The following PIGL variants were observed in gnomAD, a reference collection of about 807,000 sequenced individuals.
PIGL encodes N-acetylglucosaminyl-phosphatidylinositol de-N-acetylase.
PIGL carries 22 observed loss-of-function variants against 31.1 expected under a neutral mutation model. That is an observed-to-expected ratio of 0.71 (90% CI 0.51 to 1.01). The LOEUF (loss-of-function observed/expected upper bound fraction) is 1.01. Ranked by LOEUF, PIGL falls within the 50% of genes least tolerant of loss-of-function variation. The probability of loss-of-function intolerance (pLI) is 0.00; values close to 1 mark genes in which losing one functional copy is unlikely to be tolerated. For missense variants in PIGL, 302 were observed against 315.9 expected (o/e 0.96, Z 0.33); for synonymous variants, 131 against 117.4 (o/e 1.12, Z -0.75).
At position 16,217,280 on chromosome 17, in the gene PIGL, C is replaced by T; in HGVS notation, c.54C>T (p.Phe18=). ...CGTTGGCGGTCTTGGCATGGGGCTT[C>T]CTCTGGGTTTGGGACTCCTCAGAAC... ...CVALAVLAWG[F]LWVWDSSERM... The change falls in exon 1 of 7, where the codon TTC becomes TTT. Residue 18 remains phenylalanine, a synonymous_variant. Coordinates refer to ENST00000225609, the MANE Select transcript of PIGL (RefSeq NM_004278.4). The T allele has an allele frequency of 1.2e-6, 2 of 1,614,158 alleles. No homozygotes were observed. The highest frequency in any genetic ancestry group is 1.7e-6 in the Non-Finnish European group (2 of 1,180,026).
intron 2 of PIGL, among the ~76,000 whole-genome samples, chr17:16,275,270 A>G (rs1423710117): frequency 6.6e-6 from 1 of 152,188 alleles, no homozygotes; most frequent in East Asian, 1.9e-4. Context: ...GTAAACTGTC[A>G]GTGGCACTGG....
chr17:16,241,192 G>C (rs1034375129), intron 2 of PIGL, among the ~76,000 whole-genome samples: 3 of 149,874 alleles, frequency 2.0e-5, no homozygotes, highest in African/African-American at 7.4e-5. Context: ...AACCCACCTA[G>C]ATATCTAGGT....
chr17:16,284,365 G>A (rs115960929), intron 2 of PIGL, among the ~76,000 whole-genome samples: 2,457 of 152,200 alleles, frequency 0.016, 59 homozygotes, highest in African/African-American at 0.056. Flanking sequence ...GTGAGCCACC[G>A]CACCCAGCCA....
At chr17:16,307,015 T>C (rs2093029231) in intron 3 of PIGL, among the ~76,000 whole-genome samples, 1 of 152,144 alleles carries the variant, frequency 6.6e-6, no homozygotes, top group Non-Finnish European at 1.5e-5. Flanking sequence ...GTAAGAGCTT[T>C]AAAAGGAAAG....
At chr17:16,270,724 C>T (rs1261245027) in intron 2 of PIGL, among the ~76,000 whole-genome samples, 1 of 151,764 alleles carries the variant, frequency 6.6e-6, no homozygotes, top group Non-Finnish European at 1.5e-5. Flanking sequence ...TGGTGAAACC[C>T]CATCTCTACT....
chr17:16,321,336 G>A lies in PIGL; in HGVS notation c.660+3428G>A, dbSNP rs2093105077. ...GATCACTGCACCCTCCACCTCCTGG[G>A]TTCAAGTGATTTTTCTGCATCACAC... is the stretch of plus-strand genomic sequence containing the variant. On this transcript the variant is annotated intron_variant, in intron 6 of 6. Coordinates refer to ENST00000225609, the MANE Select transcript of PIGL (RefSeq NM_004278.4). 2.6e-5 allele frequency among the ~76,000 whole-genome samples: 4 copies of A among 151,324 alleles called. No individual in the cohort carries two copies. The South Asian group carries it at 8.4e-4, about 32-fold the overall frequency.
At chr17:16,308,820 G>T (rs1238458752) in intron 3 of PIGL, among the ~76,000 whole-genome samples, 8 of 141,316 alleles carry the variant, frequency 5.7e-5, no homozygotes, top group African/African-American at 1.9e-4. Flanking sequence ...TCGAGACAAG[G>T]TCTCCCTCTG....
At chr17:16,242,020 A>C (rs1389428470) in intron 2 of PIGL, among the ~76,000 whole-genome samples, 1 of 152,112 alleles carries the variant, frequency 6.6e-6, no homozygotes, top group Admixed American at 6.6e-5. Flanking sequence ...CTAGATATTG[A>C]ATTACTGGGT....
chr17:16,326,109 C>G lies in PIGL; in HGVS notation c.*211C>G, dbSNP rs1022302762. 5 of 558,080 alleles carry G rather than the reference C, an allele frequency of 9.0e-6. No individual in the cohort carries two copies. In the Admixed American group the frequency reaches 1.3e-4, roughly 15 times the overall value. 34.6% of individuals were successfully genotyped at this position (558,080 alleles called of 1,614,324 possible). On this transcript the variant is annotated 3_prime_UTR_variant, in exon 7 of 7. Transcript: ENST00000225609. ...CCCAAAGAACCAAAAACAAACCACC[C>G]CAAGGATAATAATAGCTACACTGCT... is the stretch of plus-strand genomic sequence containing the variant.
At chr17:16,232,862 G>A (rs1438423996) in intron 1 of PIGL, among the ~76,000 whole-genome samples, 1 of 152,054 alleles carries the variant, frequency 6.6e-6, no homozygotes, top group African/African-American at 2.4e-5. Context: ...GCTCACACTT[G>A]TAATCCCAGC....
chr17:16,258,069 A>AAGAGAGAGAG (rs749459552), intron 2 of PIGL, among the ~76,000 whole-genome samples: 59 of 90,544 alleles, frequency 6.5e-4, no homozygotes, highest in Middle Eastern at 7.5e-3. Flanking sequence ...GTCAGAAAGA[A>AAGAGAGAGAG]AGAGAGAGAG....
intron 6 of PIGL, among the ~76,000 whole-genome samples, chr17:16,319,480 C>T (rs544799697): frequency 5.3e-5 from 8 of 152,202 alleles, no homozygotes; most frequent in South Asian, 2.1e-4. Context: ...GGAGGCCAGA[C>T]GCCGTGGCTC....
intron 2 of PIGL, among the ~76,000 whole-genome samples, chr17:16,239,895 C>T (rs535329100): frequency 7.9e-5 from 12 of 152,086 alleles, no homozygotes; most frequent in African/African-American, 2.9e-4. Flanking sequence ...GCTGGGACTA[C>T]AGGTGTGGGC....
At chr17:16,257,229 C>T (rs1407062022) in intron 2 of PIGL, among the ~76,000 whole-genome samples, 1 of 152,226 alleles carries the variant, frequency 6.6e-6, no homozygotes, top group Admixed American at 6.5e-5. Flanking sequence ...CTAGCCTGGC[C>T]AACATGGTGA....
intron 1 of PIGL, among the ~76,000 whole-genome samples, chr17:16,225,389 T>C (rs965696508): frequency 1.4e-5 from 2 of 142,010 alleles, no homozygotes; most frequent in African/African-American, 2.6e-5. Flanking sequence ...GTTTCTTTTT[T>C]TTTTTTTTTT....
At chr17:16,325,084 G>A (rs1261538635) in intron 6 of PIGL, among the ~76,000 whole-genome samples, 2 of 151,974 alleles carry the variant, frequency 1.3e-5, no homozygotes, top group South Asian at 2.1e-4. Flanking sequence ...GGTGGCTCAC[G>A]CCTGTAATCC....
At chr17:16,275,079 G>C (rs1370866144) in intron 2 of PIGL, among the ~76,000 whole-genome samples, 1 of 152,028 alleles carries the variant, frequency 6.6e-6, no homozygotes, top group Admixed American at 6.6e-5. Flanking sequence ...AAGAATGGCT[G>C]TTCCACCGGC....
chr17:16,221,007 C>T (rs889212486), intron 1 of PIGL, among the ~76,000 whole-genome samples: 1 of 151,998 alleles, frequency 6.6e-6, no homozygotes, highest in Non-Finnish European at 1.5e-5. Context: ...TGTCAGCTCT[C>T]ATATCAGGTG....
intron 1 of PIGL, among the ~76,000 whole-genome samples, chr17:16,225,571 T>C (rs1189522928): frequency 1.4e-5 from 2 of 141,806 alleles, no homozygotes; most frequent in African/African-American, 2.6e-5. Context: ...TTTTTTTTTT[T>C]CAGTAGAGAT....
Sources: allele counts gnomAD v4.1 joint callset (sites outside exome capture counted in the v4.1 genomes callset), GRCh38; gene constraint gnomAD v4.1.1; transcripts MANE v1.5; gene names NCBI Gene and HGNC (gene_info 2026-07-23, HGNC 2026-07-21).